Variants in ZBTB46 observed in about 807,000 individuals in gnomAD.
ZBTB46 encodes zinc finger and BTB domain containing 46, also known as zinc finger and BTB domain-containing protein 46.
Under a neutral mutation model 44.1 loss-of-function variants are expected in ZBTB46, and 8 were observed. The ratio of observed to expected loss-of-function variants is 0.18; its 90% CI spans 0.11 to 0.33. ZBTB46 has a LOEUF of 0.33. Among genes scored for constraint, ZBTB46 ranks in the 10% least tolerant of loss-of-function variants. The pLI is 1.00. For missense variants in ZBTB46, 651 were observed against 847.7 expected, an observed-to-expected ratio of 0.77 and a Z score of 2.88; for synonymous variants, 409 against 382.3, an observed-to-expected ratio of 1.07 and a Z score of -0.81.
intron 3 of ZBTB46, among the ~76,000 whole-genome samples, chr20:63,759,210 TGTTA>T (rs1323398949): frequency 6.6e-6 from 1 of 152,232 alleles, no homozygotes; most frequent in Non-Finnish European, 1.5e-5. Flanking sequence ...AATGAAACTC[TGTTA>T]TTTATAGAAA....
chr20:63,769,195 C>T, intron 3 of ZBTB46: 2 of 985,306 alleles, frequency 2.0e-6, no homozygotes, highest in Non-Finnish European at 2.4e-6. Flanking sequence ...GGACACCATG[C>T]CCCAAGTGTT....
At chr20:63,775,438 C>G (rs1568854180) in intron 3 of ZBTB46, 1 of 451,546 alleles carries the variant, frequency 2.2e-6, no homozygotes, top group East Asian at 3.5e-5. Flanking sequence ...CGGCTGCTCC[C>G]CTGCCCGCCG....
At chr20:63,756,583 T>C (rs569094304) in intron 3 of ZBTB46, among the ~76,000 whole-genome samples, 1 of 152,344 alleles carries the variant, frequency 6.6e-6, no homozygotes, top group African/African-American at 2.4e-5. Context: ...TTTTAAGCCT[T>C]ATGTAAAGTG....
chr20:63,823,981 C>T (rs1235352510), intron 1 of ZBTB46, among the ~76,000 whole-genome samples: 2 of 151,964 alleles, frequency 1.3e-5, no homozygotes, highest in Admixed American at 1.3e-4. Flanking sequence ...CCAGATTACA[C>T]TTGAGAAGTG....
At chr20:63,764,677 A>T (rs1601415798) in intron 3 of ZBTB46, among the ~76,000 whole-genome samples, 1 of 149,348 alleles carries the variant, frequency 6.7e-6, no homozygotes. Flanking sequence ...ATCTCAGCTC[A>T]CCGCATCCTC....
intron 2 of ZBTB46, among the ~76,000 whole-genome samples, chr20:63,776,740 G>A (rs2092428836): frequency 6.7e-6 from 1 of 150,084 alleles, no homozygotes; most frequent in African/African-American, 2.5e-5. Context: ...GGAGGTGGAG[G>A]TTGCAATGAG....
chr20:63,777,289 GC>G (rs2092433880), intron 2 of ZBTB46, among the ~76,000 whole-genome samples: 2 of 152,120 alleles, frequency 1.3e-5, no homozygotes, highest in Non-Finnish European at 2.9e-5. Flanking sequence ...GGGCAACACA[GC>G]AGGACAAAAA....
intron 3 of ZBTB46, among the ~76,000 whole-genome samples, chr20:63,762,044 T>G (rs913637059): frequency 6.6e-6 from 1 of 152,188 alleles, no homozygotes; most frequent in Non-Finnish European, 1.5e-5. Flanking sequence ...GCACTTTTGG[T>G]GTAACGTTCA....
At chr20:63,801,680 G>A (rs917635446) in intron 1 of ZBTB46, among the ~76,000 whole-genome samples, 19 of 152,284 alleles carry the variant, frequency 1.2e-4, no homozygotes, top group African/African-American at 3.8e-4. Context: ...GAACCCACCA[G>A]AAGGAAGAAA....
chr20:63,780,185 C>T (rs1052017976), intron 2 of ZBTB46, among the ~76,000 whole-genome samples: 1 of 151,412 alleles, frequency 6.6e-6, no homozygotes, highest in Non-Finnish European at 1.5e-5. Context: ...GCAGGAAAAT[C>T]GCTTGAACCA....
chr20:63,761,254 C>T (rs140351455), intron 3 of ZBTB46, among the ~76,000 whole-genome samples: 2 of 152,040 alleles, frequency 1.3e-5, no homozygotes, highest in East Asian at 3.9e-4. Flanking sequence ...GCACTTCAGC[C>T]TCCCAAAGTG....
At chr20:63,829,674 A>G (rs1269367016) in intron 1 of ZBTB46, among the ~76,000 whole-genome samples, 3 of 152,276 alleles carry the variant, frequency 2.0e-5, no homozygotes, top group Non-Finnish European at 4.4e-5. Context: ...CACACCGAGC[A>G]GAAAGGTTCT....
chr20:63,763,075 G>T (rs567384282), intron 3 of ZBTB46, among the ~76,000 whole-genome samples: 1 of 152,256 alleles, frequency 6.6e-6, no homozygotes, highest in East Asian at 1.9e-4. Flanking sequence ...GCCCAGGCAG[G>T]TCTCAAACTC....
upstream of ZBTB46, among the ~76,000 whole-genome samples, chr20:63,832,316 CTCCCCGGGCGCGGCGGGAAGGGA>C (rs2092856188): frequency 6.6e-6 from 1 of 152,136 alleles, no homozygotes; most frequent in Non-Finnish European, 1.5e-5. The surrounding 1 kb of genome is among the most constrained non-coding windows in gnomAD (Gnocchi z 5.0). Flanking sequence ...CTCGCTTCCT[CTCCCCGGGCGCGGCGGGAAGGGA>C]GGTGAGCCTG....
chr20:63,776,697 A>G (rs2145870185), intron 2 of ZBTB46, among the ~76,000 whole-genome samples: 1 of 152,012 alleles, frequency 6.6e-6, no homozygotes, highest in East Asian at 1.9e-4. Flanking sequence ...CCAGCTACTC[A>G]GTAGGCTGCG....
In ZBTB46 at chr20:63,746,860, G is replaced by C. The variant is rs1404247034; in HGVS notation, c.*70C>G. 1 of 1,433,154 alleles carries C rather than the reference G, an allele frequency of 7.0e-7. No homozygotes were observed. Among genetic ancestry groups the C allele is most frequent in the East Asian group, 2.5e-5 (1 of 39,236 alleles). 88.8% of individuals were successfully genotyped at this position (1,433,154 alleles called of 1,614,324 possible). ...GGGTGAGCGTGGCCCTGGCCCCGCA[G>C]TGGAGACCCACCGGACACACACACG... On this transcript the variant is annotated 3_prime_UTR_variant, in exon 5 of 5. Coordinates refer to ENST00000245663, the MANE Select transcript of ZBTB46 (RefSeq NM_001369741.1).
intron 3 of ZBTB46, among the ~76,000 whole-genome samples, chr20:63,757,113 G>A (rs1352072206): frequency 6.6e-6 from 1 of 152,158 alleles, no homozygotes; most frequent in Non-Finnish European, 1.5e-5. Flanking sequence ...GTCAGAACTA[G>A]GGGTCAAGAT....
chr20:63,753,345 G>A (rs552114424), intron 3 of ZBTB46, among the ~76,000 whole-genome samples: 2 of 152,306 alleles, frequency 1.3e-5, no homozygotes, highest in Admixed American at 6.5e-5. Flanking sequence ...GGGAGATGTG[G>A]GTGCAACTCA....
intron 2 of ZBTB46, among the ~76,000 whole-genome samples, chr20:63,784,497 G>C (rs2092496566): frequency 6.6e-6 from 1 of 152,240 alleles, no homozygotes; most frequent in Non-Finnish European, 1.5e-5. Flanking sequence ...GCTTAGGCAT[G>C]TGTGGGGCCA....
Sources: gnomAD v4.1 joint callset for allele counts (sites outside exome capture counted in the v4.1 genomes callset) on GRCh38, gnomAD v4.1.1 for gene constraint, Gnocchi (gnomAD v3.1) non-coding constraint, MANE v1.5 for transcripts, NCBI Gene and HGNC (gene_info 2026-07-23, HGNC 2026-07-21) for gene names.